The following COL21A1 variants were observed in gnomAD, a reference collection of about 807,000 sequenced individuals.
The protein encoded by COL21A1 is collagen alpha-1(XXI) chain.
A neutral mutation model predicts 137.9 loss-of-function variants in COL21A1; 149 were observed. The ratio of observed to expected loss-of-function variants is 1.08; its 90% CI spans 0.95 to 1.24. The LOEUF (loss-of-function observed/expected upper bound fraction) is 1.24, where lower values mean the gene tolerates loss of function less well. COL21A1 is among the 50% of genes most tolerant of loss of function. The pLI is 0.00. For synonymous variants in COL21A1, 456 were observed against 391.5 expected, an observed-to-expected ratio of 1.16 and a Z score of -1.95; for missense variants, 1,167 against 1,158.4, an observed-to-expected ratio of 1.01 and a Z score of -0.11.
chr6:56,062,110 T>C (rs1284459425), intron 24 of COL21A1, among the ~76,000 whole-genome samples: 1 of 152,162 alleles, frequency 6.6e-6, no homozygotes, highest in Non-Finnish European at 1.5e-5. Context: ...TAAATTTTGA[T>C]TGGTTGCTAT....
intron 1 of COL21A1, among the ~76,000 whole-genome samples, chr6:56,320,977 A>G (rs1388736178): frequency 1.3e-5 from 2 of 152,150 alleles, no homozygotes; most frequent in Non-Finnish European, 2.9e-5. Flanking sequence ...GCCTGGACAC[A>G]GTGGGGATTC....
At chr6:56,340,622 C>T (rs1562063921) in intron 1 of COL21A1, among the ~76,000 whole-genome samples, 1 of 151,744 alleles carries the variant, frequency 6.6e-6, no homozygotes, top group Non-Finnish European at 1.5e-5. Flanking sequence ...CCTTTAAATT[C>T]AGAGATTCTC....
intron 1 of COL21A1, among the ~76,000 whole-genome samples, chr6:56,378,925 A>AG (rs1222926869): frequency 1.3e-5 from 2 of 152,216 alleles, no homozygotes; most frequent in Admixed American, 1.3e-4. Flanking sequence ...AAATAAAACA[A>AG]GAGTCTCTGG....
At chr6:56,125,094 C>G (rs1772928750) in intron 14 of COL21A1, among the ~76,000 whole-genome samples, 1 of 130,338 alleles carries the variant, frequency 7.7e-6, no homozygotes, top group African/African-American at 2.9e-5. Context: ...GATCTTGGCT[C>G]TCTGCAACCT....
chr6:56,149,777 C>T (rs1775138884), intron 10 of COL21A1, among the ~76,000 whole-genome samples: 1 of 152,174 alleles, frequency 6.6e-6, no homozygotes, highest in Non-Finnish European at 1.5e-5. Context: ...TACCTCACCA[C>T]TATCACTCTG....
At chr6:56,180,214 T>C in intron 2 of COL21A1, 85 bp from the exon 3 acceptor site, 2 of 958,514 alleles carry the variant, frequency 2.1e-6, no homozygotes, top group Non-Finnish European at 3.1e-6. Flanking sequence ...GTTTCAGCTA[T>C]ACACTAATAT....
intron 1 of COL21A1, among the ~76,000 whole-genome samples, chr6:56,286,985 T>G (rs894947853): frequency 6.6e-6 from 1 of 152,220 alleles, no homozygotes; most frequent in Non-Finnish European, 1.5e-5. Context: ...TGATTTGACT[T>G]TAATCTTTCA....
At chr6:56,211,184 T>C (rs1183602120) in intron 1 of COL21A1, among the ~76,000 whole-genome samples, 19 of 11,102 alleles carry the variant, frequency 1.7e-3, no homozygotes, top group African/African-American at 0.015. Flanking sequence ...TATACATATA[T>C]ATGTATATAT....
chr6:56,227,639 A>G (rs559757927), intron 1 of COL21A1, among the ~76,000 whole-genome samples: 1 of 152,130 alleles, frequency 6.6e-6, no homozygotes, highest in African/African-American at 2.4e-5. Context: ...TCCCACTACT[A>G]TTTGTCTGTT....
chr6:56,206,324 AAGCAG>A (rs1416167842), intron 1 of COL21A1, among the ~76,000 whole-genome samples: 1 of 151,860 alleles, frequency 6.6e-6, no homozygotes, highest in Non-Finnish European at 1.5e-5. Context: ...AAAAAAAAAA[AAGCAG>A]AGGTTGTAAT....
At chr6:56,146,238 A>C (rs1047760579) in intron 10 of COL21A1, among the ~76,000 whole-genome samples, 1 of 152,180 alleles carries the variant, frequency 6.6e-6, no homozygotes, top group Non-Finnish European at 1.5e-5. Context: ...TTATTCCATT[A>C]AATAATTTTC....
At position 56,081,380 on chromosome 6, in the gene COL21A1, C is replaced by T. The variant is rs111334723; in HGVS notation, c.1813-3807G>A. On this transcript the variant is annotated intron_variant, in intron 17 of 29. Transcript: ENST00000244728. The stretch of plus-strand genomic sequence containing the variant: ...GACGCCAACAAGTCGGCATTGCCCC[C>T]CATTCAATACCTTTCCTTTTCATGT... 8.2e-4 allele frequency among the ~76,000 whole-genome samples: 125 copies of T among 151,784 alleles called. 1 individual carries two copies. The highest frequency in any genetic ancestry group is 2.7e-4 in the Non-Finnish European group (18 of 67,856).
intron 14 of COL21A1, among the ~76,000 whole-genome samples, chr6:56,124,744 C>A (rs1226761989): frequency 6.6e-6 from 1 of 151,038 alleles, no homozygotes; most frequent in Admixed American, 6.6e-5. Context: ...CGGGTTCACG[C>A]CATTCTCCTG....
At position 56,141,847 on chromosome 6, in the gene COL21A1, A is replaced by C. The variant is rs751109224; in HGVS notation, c.1489-9T>G. The stretch of plus-strand genomic sequence containing the variant: ...GGTAGTCCTCGAGCTCCCTAAATTA[A>C]CCAGAAAATAAAATTTTGTTAATTA... On this transcript the variant is annotated splice_polypyrimidine_tract_variant and intron_variant, in intron 11 of 29. Transcript: ENST00000244728. 1 of 1,613,292 alleles carries C rather than the reference A, an allele frequency of 6.2e-7. No homozygotes were observed. The highest frequency in any genetic ancestry group is 1.1e-5 in the South Asian group (1 of 90,954).
intron 1 of COL21A1, among the ~76,000 whole-genome samples, chr6:56,385,513 C>CT (rs375546902): frequency 5.3e-5 from 8 of 151,370 alleles, no homozygotes; most frequent in Non-Finnish European, 1.2e-4. Context: ...CACTCTGACT[C>CT]TTTTTTTTTA....
At chr6:56,269,765 A>C (rs13219013) in intron 1 of COL21A1, among the ~76,000 whole-genome samples, 35,306 of 151,924 alleles carry the variant, frequency 0.23, 4,474 homozygotes, top group Non-Finnish European at 0.29. Flanking sequence ...GAAGAGGTTG[A>C]AGGTCTATTT....
At chr6:56,105,816 C>T (rs756949550) in intron 16 of COL21A1, among the ~76,000 whole-genome samples, 15 of 152,132 alleles carry the variant, frequency 9.9e-5, no homozygotes, top group South Asian at 2.1e-4. Context: ...CAATGAGTTA[C>T]GCCTTTTGTT....
At chr6:56,091,714 G>A (rs908112322) in intron 17 of COL21A1, 5 of 152,296 alleles carry the variant, frequency 3.3e-5, no homozygotes, top group Non-Finnish European at 7.3e-5. Flanking sequence ...ATGCCATCAG[G>A]ATTGAGCACC....
At chr6:56,118,436 A>AT (rs1772138725) in intron 16 of COL21A1, among the ~76,000 whole-genome samples, 1 of 152,192 alleles carries the variant, frequency 6.6e-6, no homozygotes, top group East Asian at 1.9e-4. Context: ...GCAAACTGTC[A>AT]TAAAAAGTCT....
Sources: allele counts gnomAD v4.1 joint callset (sites outside exome capture counted in the v4.1 genomes callset), GRCh38; gene constraint gnomAD v4.1.1; transcripts MANE v1.5; gene names NCBI Gene and HGNC (gene_info 2026-07-23, HGNC 2026-07-21).